NOX4: variants seen among roughly 807,000 people sequenced by gnomAD.
NOX4 encodes the protein NADPH oxidase 4.
In NOX4, 69 loss-of-function variants were observed where a neutral mutation model predicts 87.6. The ratio of observed to expected loss-of-function variants is 0.79; its 90% CI spans 0.65 to 0.96. The LOEUF (loss-of-function observed/expected upper bound fraction) is 0.96, where lower values mean the gene tolerates loss of function less well. Among genes scored for constraint, NOX4 ranks in the 40% least tolerant of loss-of-function variants. NOX4 has a pLI of 0.00. For synonymous variants in NOX4, 275 were observed against 238.2 expected (o/e 1.15, Z -1.42); for missense variants, 680 against 681.5 (o/e 1.00, Z 0.02).
chr11:89,415,481 T>A (rs1942713558), intron 8 of NOX4, among the ~76,000 whole-genome samples: 1 of 152,158 alleles, frequency 6.6e-6, no homozygotes, highest in African/African-American at 2.4e-5. Flanking sequence ...CTTTAAAAAC[T>A]TCAGTTCCAT....
the NOX4 span, among the ~76,000 whole-genome samples, chr11:89,513,315 C>T: frequency 7.3e-5 from 11 of 150,578 alleles, no homozygotes; most frequent in Non-Finnish European, 1.0e-4. Flanking sequence ...AATGAAACTC[C>T]GTCTAAAAAA....
the NOX4 span, among the ~76,000 whole-genome samples, chr11:89,534,781 G>A: frequency 6.6e-6 from 1 of 152,208 alleles, no homozygotes; most frequent in East Asian, 1.9e-4. Context: ...TGAACTACTG[G>A]GATGTGATGC....
At chr11:89,547,639 T>C in the NOX4 span, among the ~76,000 whole-genome samples, 2 of 152,222 alleles carry the variant, frequency 1.3e-5, no homozygotes, top group African/African-American at 4.8e-5. Context: ...GAAGAAATAC[T>C]GTCTGGGACA....
At chr11:89,379,397 CTGTATA>C (rs1940106841) in intron 11 of NOX4, among the ~76,000 whole-genome samples, 1 of 151,768 alleles carries the variant, frequency 6.6e-6, no homozygotes, top group Non-Finnish European at 1.5e-5. Context: ...CTGTTTGTGT[CTGTATA>C]TGGGGTAATT....
chr11:89,370,061 G>T (rs1387615296), intron 12 of NOX4, among the ~76,000 whole-genome samples: 1 of 151,946 alleles, frequency 6.6e-6, no homozygotes, highest in Admixed American at 6.6e-5. Context: ...CAACTCTTTT[G>T]TGGCCCAGTC....
At chr11:89,451,700 G>A (rs1320883418) in intron 3 of NOX4, 85 bp downstream of exon 3, 1 of 902,274 alleles carries the variant, frequency 1.1e-6, no homozygotes, top group Non-Finnish European at 1.8e-6. Flanking sequence ...TCAAAAGTCA[G>A]ACTATGAAAA....
the NOX4 span, among the ~76,000 whole-genome samples, chr11:89,532,692 G>C: frequency 6.6e-6 from 1 of 151,930 alleles, no homozygotes; most frequent in African/African-American, 2.4e-5. Flanking sequence ...GATTTGGGAG[G>C]GGCCAGGGGC....
At chr11:89,445,443 T>C (rs1338919864) in intron 4 of NOX4, among the ~76,000 whole-genome samples, 1 of 152,036 alleles carries the variant, frequency 6.6e-6, no homozygotes, top group African/African-American at 2.4e-5. Flanking sequence ...AGTAATCAAA[T>C]TAGAAGTAGG....
chr11:89,469,366 A>C (rs1369949), intron 2 of NOX4, among the ~76,000 whole-genome samples: 22,524 of 151,962 alleles, frequency 0.15, 2,267 homozygotes, highest in African/African-American at 0.27. Flanking sequence ...AATAACGAAA[A>C]CTTAAAGTGA....
chr11:89,483,279 A>G (rs1202048492), intron 2 of NOX4, among the ~76,000 whole-genome samples: 5 of 152,208 alleles, frequency 3.3e-5, no homozygotes, highest in African/African-American at 1.2e-4. Flanking sequence ...CTGATCTACC[A>G]ATCTATATGA....
At chr11:89,546,509 G>A in the NOX4 span, 2 of 152,152 alleles carry the variant, frequency 1.3e-5, no homozygotes, top group East Asian at 3.9e-4. Context: ...CCACTTATTA[G>A]CTATGTGATC....
chr11:89,438,549 AAT>A (rs1944220138), intron 6 of NOX4, among the ~76,000 whole-genome samples: 1 of 89,684 alleles, frequency 1.1e-5, no homozygotes, highest in African/African-American at 5.3e-5. Flanking sequence ...TATATATAAT[AAT>A]ATACTATATA....
intron 11 of NOX4, among the ~76,000 whole-genome samples, chr11:89,392,795 T>C (rs550933358): frequency 2.8e-4 from 42 of 152,174 alleles, no homozygotes; most frequent in Admixed American, 4.6e-4. Flanking sequence ...CAGGAGCTCA[T>C]GGTAACCAAA....
chr11:89,571,800 T>C, the NOX4 span, among the ~76,000 whole-genome samples: 2 of 151,876 alleles, frequency 1.3e-5, no homozygotes, highest in Non-Finnish European at 2.9e-5. Context: ...CTAAATAAGG[T>C]AGCTACAAAG....
the NOX4 span, among the ~76,000 whole-genome samples, chr11:89,577,880 C>T: frequency 6.6e-6 from 1 of 152,074 alleles, no homozygotes; most frequent in Non-Finnish European, 1.5e-5. Context: ...TTACAATACT[C>T]TGAGAATTGA....
At chr11:89,511,673 C>T in the NOX4 span, among the ~76,000 whole-genome samples, 1,023 of 152,014 alleles carry the variant, frequency 6.7e-3, 4 homozygotes, top group Non-Finnish European at 0.01. Context: ...ACTCTTGAAG[C>T]CAAAGTGGAA....
the NOX4 span, among the ~76,000 whole-genome samples, chr11:89,587,639 G>A: frequency 6.6e-6 from 1 of 152,136 alleles, no homozygotes; most frequent in Non-Finnish European, 1.5e-5. Flanking sequence ...CATGGGATTA[G>A]TGGCTTAGGG....
chr11:89,399,432 A>AATATATATATAAATATAT (rs1555014572), intron 11 of NOX4, among the ~76,000 whole-genome samples: 6 of 75,648 alleles, frequency 7.9e-5, no homozygotes, highest in African/African-American at 2.6e-4. Context: ...CAAGAAATTA[A>AATATATATATAAATATAT]ATATATATAT....
intron 2 of NOX4, among the ~76,000 whole-genome samples, chr11:89,483,046 C>G (rs986771941): frequency 6.6e-6 from 1 of 152,034 alleles, no homozygotes; most frequent in Non-Finnish European, 1.5e-5. Context: ...CTCAGTTTCT[C>G]AATTCTGTAA....
Sources: gnomAD v4.1 joint callset for allele counts (sites outside exome capture counted in the v4.1 genomes callset) on GRCh38, gnomAD v4.1.1 for gene constraint, MANE v1.5 for transcripts, NCBI Gene and HGNC (gene_info 2026-07-23, HGNC 2026-07-21) for gene names.